GRM7: variants seen among roughly 807,000 people sequenced by gnomAD.
The protein encoded by GRM7 is glutamate metabotropic receptor 7, also known as metabotropic glutamate receptor 7.
Under a neutral mutation model 84.5 loss-of-function variants are expected in GRM7, and 35 were observed. The ratio of observed to expected loss-of-function variants is 0.41; its 90% confidence interval spans 0.32 to 0.55. GRM7 has a LOEUF of 0.55. Ranked by LOEUF, GRM7 falls within the 20% of genes least tolerant of loss-of-function variation. The probability of loss-of-function intolerance (pLI) is 0.19; values close to 1 mark genes in which losing one functional copy is unlikely to be tolerated. For synonymous variants in GRM7, 487 were observed against 455.1 expected, an observed-to-expected ratio of 1.07 and a Z score of -0.89; for missense variants, 1,003 against 1,194.6, an observed-to-expected ratio of 0.84 and a Z score of 2.36.
chr3:6,872,340 T>C (rs1017317070), intron 1 of GRM7, among the ~76,000 whole-genome samples: 7 of 152,200 alleles, frequency 4.6e-5, no homozygotes, highest in African/African-American at 1.4e-4. Context: ...CTCTCCAAGC[T>C]TGCATGCTCC....
At chr3:7,127,674 A>G (rs1488107449) in intron 1 of GRM7, among the ~76,000 whole-genome samples, 1 of 152,216 alleles carries the variant, frequency 6.6e-6, no homozygotes, top group Non-Finnish European at 1.5e-5. Context: ...TGTGTGGAGT[A>G]TAATTGTAAA....
intron 1 of GRM7, among the ~76,000 whole-genome samples, chr3:7,092,203 G>A (rs1698690141): frequency 6.6e-6 from 1 of 152,114 alleles, no homozygotes; most frequent in African/African-American, 2.4e-5. Flanking sequence ...AGAAATTAAT[G>A]ATGTGTCAGA....
At chr3:7,656,434 T>C (rs759234471) in intron 8 of GRM7, among the ~76,000 whole-genome samples, 2 of 151,630 alleles carry the variant, frequency 1.3e-5, no homozygotes, top group Admixed American at 6.6e-5. Flanking sequence ...AGGTGGAGAT[T>C]GCAGTGAGCT....
intron 4 of GRM7, among the ~76,000 whole-genome samples, chr3:7,393,653 T>C (rs1695092210): frequency 1.3e-5 from 2 of 152,232 alleles, no homozygotes; most frequent in South Asian, 4.1e-4. Flanking sequence ...TACTTGCTTG[T>C]AGTCAGCCAT....
intron 6 of GRM7, among the ~76,000 whole-genome samples, chr3:7,460,622 A>G (rs1698207820): frequency 6.6e-6 from 1 of 152,146 alleles, no homozygotes; most frequent in African/African-American, 2.4e-5. Context: ...TCATATTATC[A>G]TGTGGCCAGT....
At chr3:6,915,554 C>T (rs929191354) in intron 1 of GRM7, among the ~76,000 whole-genome samples, 6 of 152,186 alleles carry the variant, frequency 3.9e-5, no homozygotes, top group Admixed American at 6.6e-5. Flanking sequence ...ACAAAAATCG[C>T]TTGGTTCTAT....
At chr3:6,913,606 G>A (rs1019277891) in intron 1 of GRM7, among the ~76,000 whole-genome samples, 2 of 152,144 alleles carry the variant, frequency 1.3e-5, no homozygotes, top group African/African-American at 4.8e-5. Context: ...ACTATTTGCA[G>A]ACCTCCTCAT....
At position 7,641,663 on chromosome 3, in the gene GRM7, G is replaced by T. The variant is rs138696909; in HGVS notation, c.2452-38386G>T. ...CCAGATGATTCTAATGTACAGCCAA[G>T]GCTAATAATTATTGATCTTAAAAGA... On this transcript the variant is annotated intron_variant, in intron 8 of 9. Transcript: ENST00000357716. Among the ~76,000 whole-genome samples, 644 of 152,178 alleles carry T rather than the reference G, an allele frequency of 4.2e-3. 5 individuals carry two copies. The highest frequency in any genetic ancestry group is 0.015 in the African/African-American group (629 of 41,510).
chr3:7,579,888 G>T (rs62235185), intron 8 of GRM7, among the ~76,000 whole-genome samples: 18,644 of 152,142 alleles, frequency 0.12, 1,461 homozygotes, highest in Admixed American at 0.16. Flanking sequence ...TATATACCCA[G>T]GTGGGTGAAT....
At chr3:7,567,677 G>T (rs1694371821) in intron 7 of GRM7, among the ~76,000 whole-genome samples, 1 of 146,738 alleles carries the variant, frequency 6.8e-6, no homozygotes, top group African/African-American at 2.5e-5. Context: ...GAACCCGGGA[G>T]GCAGAGGTTG....
chr3:6,869,680 C>T (rs1695054272), intron 1 of GRM7, among the ~76,000 whole-genome samples: 1 of 152,058 alleles, frequency 6.6e-6, no homozygotes, highest in African/African-American at 2.4e-5. Flanking sequence ...AGATAACACA[C>T]ACACACGTGC....
intron 7 of GRM7, among the ~76,000 whole-genome samples, chr3:7,514,308 G>A (rs1373923770): frequency 6.6e-6 from 1 of 152,220 alleles, no homozygotes; most frequent in African/African-American, 2.4e-5. Flanking sequence ...TTTCAGCATA[G>A]ATTGGCTTAA....
intron 8 of GRM7, among the ~76,000 whole-genome samples, chr3:7,632,534 A>G (rs1697903831): frequency 6.6e-6 from 1 of 152,252 alleles, no homozygotes; most frequent in South Asian, 2.1e-4. Context: ...GATAAGAGCC[A>G]TCTGAATATT....
At chr3:7,485,440 G>A (rs1434781934) in intron 7 of GRM7, among the ~76,000 whole-genome samples, 1 of 152,130 alleles carries the variant, frequency 6.6e-6, no homozygotes, top group Non-Finnish European at 1.5e-5. Flanking sequence ...ATAGGTTGAG[G>A]GACCTCATCA....
chr3:7,330,184 T>C (rs1040973849), intron 4 of GRM7, among the ~76,000 whole-genome samples: 6 of 152,170 alleles, frequency 3.9e-5, no homozygotes, highest in African/African-American at 1.2e-4. Context: ...CAAATATATA[T>C]TGAATTCCTG....
chr3:7,476,805 C>T (rs998093764), intron 7 of GRM7, among the ~76,000 whole-genome samples: 1 of 152,124 alleles, frequency 6.6e-6, no homozygotes, highest in African/African-American at 2.4e-5. Flanking sequence ...AAAGACCTCT[C>T]TGACTGTCTT....
At chr3:7,529,061 T>G (rs777295219) in intron 7 of GRM7, among the ~76,000 whole-genome samples, 1 of 152,066 alleles carries the variant, frequency 6.6e-6, no homozygotes, top group African/African-American at 2.4e-5. Flanking sequence ...AAGAACTTTT[T>G]TGTTAGTTTT....
At chr3:7,248,745 C>T (rs897067397) in intron 2 of GRM7, among the ~76,000 whole-genome samples, 2 of 152,058 alleles carry the variant, frequency 1.3e-5, no homozygotes, top group African/African-American at 4.8e-5. Context: ...TATGGGGATA[C>T]AAACTCTCTA....
At chr3:6,876,664 C>A (rs1331056713) in intron 1 of GRM7, among the ~76,000 whole-genome samples, 1 of 146,428 alleles carries the variant, frequency 6.8e-6, no homozygotes, top group African/African-American at 2.5e-5. Context: ...TGCAGTGGCA[C>A]CATCTCGGCT....
Sources: gnomAD v4.1 joint callset for allele counts (sites outside exome capture counted in the v4.1 genomes callset) on GRCh38, gnomAD v4.1.1 for gene constraint, MANE v1.5 for transcripts, NCBI Gene and HGNC (gene_info 2026-07-23, HGNC 2026-07-21) for gene names.